The following DGKH variants were observed in gnomAD, a reference collection of about 807,000 sequenced individuals.
DGKH encodes DAG kinase eta.
DGKH carries 90 observed loss-of-function variants against 159.3 expected under a neutral mutation model. The ratio of observed to expected loss-of-function variants is 0.57; its 90% CI spans 0.48 to 0.67. The LOEUF is 0.67. Ranked by LOEUF, DGKH falls within the 30% of genes least tolerant of loss-of-function variation. DGKH has a pLI of 0.00. For missense variants in DGKH, 1,181 were observed against 1,506.1 expected (o/e 0.78, Z 3.57); for synonymous variants, 536 against 553.8 (o/e 0.97, Z 0.45).
chr13:42,219,377 G>C, intron 27 of DGKH, 28 bp downstream of exon 27: 1 of 1,611,474 alleles, frequency 6.2e-7, no homozygotes, highest in Non-Finnish European at 8.5e-7. Flanking sequence ...TGTTTCTCTA[G>C]AAATGTAGAC....
chr13:42,134,180 G>T (rs1955350919), intron 3 of DGKH, among the ~76,000 whole-genome samples: 1 of 152,210 alleles, frequency 6.6e-6, no homozygotes, highest in Non-Finnish European at 1.5e-5. Flanking sequence ...AGAGATCAGG[G>T]CAGTGATTGA....
upstream of DGKH, among the ~76,000 whole-genome samples, chr13:42,047,197 AC>A (rs1216003324): frequency 6.6e-6 from 1 of 152,184 alleles, no homozygotes; most frequent in Non-Finnish European, 1.5e-5. Flanking sequence ...TGAACTAAAC[AC>A]ATTTTACATT....
intron 29 of DGKH, among the ~76,000 whole-genome samples, chr13:42,223,923 A>G (rs1331399495): frequency 3.3e-5 from 5 of 152,014 alleles, no homozygotes; most frequent in Non-Finnish European, 5.9e-5. Context: ...CCAAGTCTCC[A>G]TTGTCTATCA....
chr13:42,070,534 T>C (rs1882892811), intron 1 of DGKH: 1 of 1,412,756 alleles, frequency 7.1e-7, no homozygotes, highest in South Asian at 1.2e-5. Context: ...CTTCAAAAGA[T>C]GACTCTTACG....
chr13:42,193,181 A>G (rs17598693), intron 16 of DGKH, among the ~76,000 whole-genome samples: 3,915 of 152,280 alleles, frequency 0.026, 96 homozygotes, highest in Non-Finnish European at 0.036. Flanking sequence ...CATCCTTACT[A>G]TACACTGATA....
At chr13:42,071,018 G>T in intron 1 of DGKH, 1 of 1,280,088 alleles carries the variant, frequency 7.8e-7, no homozygotes, top group Non-Finnish European at 1.1e-6. Flanking sequence ...CCACAACCCA[G>T]TGGTTTTAAG....
At chr13:42,209,104 T>C (rs1202179878) in intron 22 of DGKH, 32 bp downstream of exon 22, 11 of 1,581,254 alleles carry the variant, frequency 7.0e-6, no homozygotes, top group East Asian at 6.8e-5. Flanking sequence ...TGACTGCACT[T>C]CTTGGGCTAA....
intron 7 of DGKH, among the ~76,000 whole-genome samples, chr13:42,162,344 G>A (rs1956205803): frequency 6.6e-6 from 1 of 151,924 alleles, no homozygotes; most frequent in Non-Finnish European, 1.5e-5. Flanking sequence ...AACCCCATCT[G>A]TACTAAAAAT....
intron 1 of DGKH, among the ~76,000 whole-genome samples, chr13:42,116,054 A>G (rs1954962953): frequency 6.6e-6 from 1 of 152,240 alleles, no homozygotes; most frequent in South Asian, 2.1e-4. Context: ...AAAGAATTAT[A>G]TATTATTTTG....
intron 1 of DGKH, chr13:42,070,879 A>G: frequency 7.7e-7 from 1 of 1,298,120 alleles, no homozygotes; most frequent in Non-Finnish European, 1.1e-6. Flanking sequence ...ATCATGGTCA[A>G]GTCTTCTAAT....
chr13:42,160,287 T>A (rs933807682), intron 7 of DGKH, 151 bp downstream of exon 7: 3 of 1,087,052 alleles, frequency 2.8e-6, no homozygotes, highest in Admixed American at 2.0e-5. Context: ...TTCCTTACAG[T>A]ATAGTCCTCC....
chr13:42,130,807 C>A (rs762294286), intron 3 of DGKH, among the ~76,000 whole-genome samples: 16 of 152,022 alleles, frequency 1.1e-4, no homozygotes, highest in Non-Finnish European at 1.6e-4. Flanking sequence ...TATTCCTCCC[C>A]GTCTCCCCTG....
At chr13:42,111,687 T>C (rs979980407) in intron 1 of DGKH, among the ~76,000 whole-genome samples, 2 of 152,212 alleles carry the variant, frequency 1.3e-5, no homozygotes. Flanking sequence ...AACAAAATAA[T>C]AAAGATATTT....
At chr13:42,126,600 C>A (rs1464826600) in intron 1 of DGKH, among the ~76,000 whole-genome samples, 1 of 152,244 alleles carries the variant, frequency 6.6e-6, no homozygotes, top group East Asian at 1.9e-4. Flanking sequence ...CCCAGGGCCA[C>A]AGAGTCCCTG....
chr13:42,197,712 A>G (rs1197348449), intron 17 of DGKH, among the ~76,000 whole-genome samples: 3 of 151,796 alleles, frequency 2.0e-5, no homozygotes, highest in Non-Finnish European at 2.9e-5. Context: ...CTCATCTCTA[A>G]AAAAAAATAA....
intron 11 of DGKH, among the ~76,000 whole-genome samples, chr13:42,172,064 G>A (rs1380212437): frequency 1.3e-5 from 2 of 148,832 alleles, no homozygotes; most frequent in Non-Finnish European, 3.0e-5. Flanking sequence ...TCCTGACCTC[G>A]TGATCCGCCC....
At chr13:42,135,724 G>T (rs114934367) in intron 3 of DGKH, among the ~76,000 whole-genome samples, 198 of 152,166 alleles carry the variant, frequency 1.3e-3, no homozygotes, top group African/African-American at 4.6e-3. Flanking sequence ...ATTCCTCCCA[G>T]ATGAGGCTAG....
chr13:42,188,263 A>C (rs563015105), intron 14 of DGKH, among the ~76,000 whole-genome samples: 2 of 152,336 alleles, frequency 1.3e-5, no homozygotes, highest in East Asian at 3.9e-4. Context: ...TATGGAGATG[A>C]AAAGTATATT....
intron 1 of DGKH, among the ~76,000 whole-genome samples, chr13:42,082,844 G>A (rs1954225695): frequency 6.6e-6 from 1 of 152,088 alleles, no homozygotes; most frequent in Admixed American, 6.5e-5. Flanking sequence ...CCCCACTAAA[G>A]CCTCCAAACC....
Sources: allele counts gnomAD v4.1 joint callset (sites outside exome capture counted in the v4.1 genomes callset), GRCh38; gene constraint gnomAD v4.1.1; transcripts MANE v1.5; gene names NCBI Gene and HGNC (gene_info 2026-07-23, HGNC 2026-07-21).